Variants in TATDN1 observed in about 807,000 individuals in gnomAD.
TATDN1 encodes the protein TatD DNase domain containing 1.
Under a neutral mutation model 46.4 loss-of-function variants are expected in TATDN1, and 40 were observed. That is an observed-to-expected ratio of 0.86 (90% CI 0.67 to 1.12). TATDN1 has a LOEUF of 1.12. TATDN1 is among the 50% of genes most tolerant of loss of function. The pLI is 0.00. For missense variants in TATDN1, 326 were observed against 348.4 expected (o/e 0.94, Z 0.51); for synonymous variants, 95 against 105.6 (o/e 0.90, Z 0.62).
intron 9 of TATDN1, among the ~76,000 whole-genome samples, chr8:124,497,025 C>A (rs1196766664): frequency 6.6e-6 from 1 of 152,140 alleles, no homozygotes; most frequent in Non-Finnish European, 1.5e-5. Context: ...TTCTAGTATT[C>A]AAATTTCCAG....
intron 6 of TATDN1, among the ~76,000 whole-genome samples, chr8:124,512,535 G>A (rs1437418351): frequency 2.6e-5 from 4 of 152,196 alleles, no homozygotes; most frequent in Non-Finnish European, 5.9e-5. Flanking sequence ...AATAGTGAAA[G>A]CTGAATTATA....
intron 3 of TATDN1, 54 bp downstream of exon 3, chr8:124,522,097 A>C: frequency 7.7e-7 from 1 of 1,302,848 alleles, no homozygotes; most frequent in Admixed American, 1.9e-5. Flanking sequence ...TTTAACTAAA[A>C]TTTAGTTAAA....
intron 3 of TATDN1, among the ~76,000 whole-genome samples, chr8:124,519,718 T>A (rs1307879657): frequency 6.6e-6 from 1 of 152,220 alleles, no homozygotes; most frequent in African/African-American, 2.4e-5. Flanking sequence ...AGTGAGTTAA[T>A]GCATGCTAAT....
chr8:124,524,516 C>G (rs1285914539), intron 1 of TATDN1, among the ~76,000 whole-genome samples: 1 of 152,096 alleles, frequency 6.6e-6, no homozygotes, highest in Non-Finnish European at 1.5e-5. Flanking sequence ...TAAAATAATC[C>G]TTCAGAGAGG....
chr8:124,519,296 T>C, intron 3 of TATDN1, among the ~76,000 whole-genome samples: 1 of 152,218 alleles, frequency 6.6e-6, no homozygotes, highest in Non-Finnish European at 1.5e-5. Flanking sequence ...GTCAAAACTA[T>C]TTTCCTAACA....
At chr8:124,517,107 G>A (rs1335384176) in intron 4 of TATDN1, among the ~76,000 whole-genome samples, 1 of 152,176 alleles carries the variant, frequency 6.6e-6, no homozygotes, top group Non-Finnish European at 1.5e-5. Flanking sequence ...AAACTCCCTG[G>A]AAGATAGTCT....
At chr8:124,499,540 A>G (rs1486639696) in intron 9 of TATDN1, among the ~76,000 whole-genome samples, 1 of 151,986 alleles carries the variant, frequency 6.6e-6, no homozygotes. Context: ...TTTGAAATAC[A>G]TCTTCCCATT....
intron 1 of TATDN1, among the ~76,000 whole-genome samples, chr8:124,536,880 T>C: frequency 6.6e-6 from 1 of 151,972 alleles, no homozygotes; most frequent in East Asian, 1.9e-4. Flanking sequence ...GAATGCATAA[T>C]ATGATCTCAT....
intron 1 of TATDN1, among the ~76,000 whole-genome samples, chr8:124,536,899 CA>C (rs1403661073): frequency 6.8e-6 from 1 of 147,630 alleles, no homozygotes; most frequent in African/African-American, 2.5e-5. Context: ...ATTTCTGTTT[CA>C]AAAGGAAAAA....
intron 11 of TATDN1, 113 bp from the exon 12 acceptor site, chr8:124,488,809 AAGC>A: frequency 1.5e-6 from 1 of 687,256 alleles, no homozygotes; most frequent in East Asian, 2.8e-5. Flanking sequence ...TAATATAATA[AAGC>A]TTAACAGTTA....
At chr8:124,531,658 T>C (rs1171005499) in intron 1 of TATDN1, among the ~76,000 whole-genome samples, 1 of 152,124 alleles carries the variant, frequency 6.6e-6, no homozygotes, top group Non-Finnish European at 1.5e-5. Flanking sequence ...ATTTAATCTG[T>C]GGGATGGTGG....
At chr8:124,488,986 TGAA>T (rs769553067) in intron 11 of TATDN1, 112 of 339,598 alleles carry the variant, frequency 3.3e-4, no homozygotes, top group Middle Eastern at 2.6e-3. Context: ...TGAGTGGAAA[TGAA>T]GAGTCCTTTT....
chr8:124,494,203 T>TAA (rs760427967), intron 10 of TATDN1: 1 of 276,100 alleles, frequency 3.6e-6, no homozygotes, highest in African/African-American at 2.2e-5. Flanking sequence ...CAGCATGCTT[T>TAA]AAAAAAAAGA....
intron 1 of TATDN1, among the ~76,000 whole-genome samples, chr8:124,534,748 C>A (rs961910213): frequency 6.6e-6 from 1 of 152,200 alleles, no homozygotes; most frequent in Non-Finnish European, 1.5e-5. Flanking sequence ...AGGGCTCAGT[C>A]CCACAAGACT....
intron 11 of TATDN1, 183 bp from the exon 12 acceptor site, chr8:124,488,879 T>G: frequency 1.8e-6 from 1 of 562,874 alleles, no homozygotes; most frequent in Admixed American, 3.4e-5. Flanking sequence ...GGAAACAGAT[T>G]TATGGACTGT....
intron 6 of TATDN1, among the ~76,000 whole-genome samples, chr8:124,514,749 A>G (rs1432007781): frequency 1.3e-5 from 2 of 152,232 alleles, no homozygotes; most frequent in Admixed American, 6.5e-5. Context: ...GTATGATGAC[A>G]GGAGCTCCAA....
chr8:124,496,464 G>A (rs1225942572), intron 9 of TATDN1, among the ~76,000 whole-genome samples: 1 of 152,096 alleles, frequency 6.6e-6, no homozygotes, highest in Admixed American at 6.5e-5. Flanking sequence ...ATAGTTTCAC[G>A]GTCTTAAAAA....
chr8:124,498,947 G>A (rs1471693542), intron 9 of TATDN1, among the ~76,000 whole-genome samples: 4 of 148,538 alleles, frequency 2.7e-5, no homozygotes, highest in African/African-American at 1.0e-4. Context: ...ACTGCGCCTG[G>A]CCTCTTTTTT....
chr8:124,519,874 G>A (rs1039312851), intron 3 of TATDN1, among the ~76,000 whole-genome samples: 7 of 152,190 alleles, frequency 4.6e-5, no homozygotes, highest in Admixed American at 2.6e-4. Context: ...TTGATAGTGA[G>A]AGCACTGAAG....
Sources: gnomAD v4.1 joint callset for allele counts (sites outside exome capture counted in the v4.1 genomes callset) on GRCh38, gnomAD v4.1.1 for gene constraint, MANE v1.5 for transcripts, NCBI Gene and HGNC (gene_info 2026-07-23, HGNC 2026-07-21) for gene names.